The following MYT1L variants were observed in gnomAD, a reference collection of about 807,000 sequenced individuals.
MYT1L encodes myelin transcription factor 1-like protein.
In MYT1L, 12 loss-of-function variants were observed where a neutral mutation model predicts 126.7. The observed-to-expected ratio is 0.09, with a 90% CI of 0.06 to 0.15. The LOEUF (loss-of-function observed/expected upper bound fraction) is 0.15. MYT1L is among the 10% of genes least tolerant of loss of function. MYT1L has a pLI of 1.00. For missense variants in MYT1L, 979 were observed against 1,585.2 expected, an observed-to-expected ratio of 0.62 and a Z score of 6.49; for synonymous variants, 541 against 604.2, an observed-to-expected ratio of 0.90 and a Z score of 1.53.
intron 2 of MYT1L, among the ~76,000 whole-genome samples, chr2:2,283,253 T>A (rs1026865680): frequency 1.3e-5 from 2 of 152,236 alleles, no homozygotes; most frequent in Non-Finnish European, 2.9e-5. Context: ...TGTCACTGAA[T>A]TTTTGAATTT....
intron 18 of MYT1L, among the ~76,000 whole-genome samples, chr2:1,855,301 C>T (rs1262922418): frequency 6.6e-6 from 1 of 152,192 alleles, no homozygotes; most frequent in Non-Finnish European, 1.5e-5. Flanking sequence ...TACAAACACG[C>T]GATTTGTATC....
intron 3 of MYT1L, among the ~76,000 whole-genome samples, chr2:2,166,365 G>A (rs1391268249): frequency 4.6e-5 from 7 of 152,130 alleles, no homozygotes; most frequent in Non-Finnish European, 7.3e-5. Context: ...CTGTCACTTA[G>A]CTCTGATCCT....
chr2:2,298,812 C>T (rs577287669), intron 1 of MYT1L, among the ~76,000 whole-genome samples: 15 of 152,122 alleles, frequency 9.9e-5, no homozygotes, highest in African/African-American at 3.4e-4. Flanking sequence ...AGGAACAGTC[C>T]TCTCACTCTC....
intron 2 of MYT1L, among the ~76,000 whole-genome samples, chr2:2,241,275 T>G (rs80218259): frequency 6.6e-6 from 1 of 150,738 alleles, no homozygotes. Flanking sequence ...AATACATCTT[T>G]TGTGTGTGTG....
At chr2:1,907,416 A>G (rs1367024502) in intron 13 of MYT1L, among the ~76,000 whole-genome samples, 3 of 152,236 alleles carry the variant, frequency 2.0e-5, no homozygotes, top group African/African-American at 7.2e-5. Flanking sequence ...AGGGAATAGC[A>G]AGAGACTGGC....
chr2:2,245,888 A>G (rs2094525475), intron 2 of MYT1L, among the ~76,000 whole-genome samples: 1 of 152,208 alleles, frequency 6.6e-6, no homozygotes, highest in Non-Finnish European at 1.5e-5. Flanking sequence ...TGGGGCTAGG[A>G]GCTGAAGCAC....
At chr2:1,834,043 C>T (rs2148317006) in intron 21 of MYT1L, among the ~76,000 whole-genome samples, 1 of 152,390 alleles carries the variant, frequency 6.6e-6, no homozygotes, top group East Asian at 1.9e-4. Context: ...GCTTCCTCTA[C>T]TGTTTCTATT....
intron 3 of MYT1L, among the ~76,000 whole-genome samples, chr2:2,137,790 A>G (rs1033284382): frequency 6.6e-6 from 1 of 152,038 alleles, no homozygotes; most frequent in Non-Finnish European, 1.5e-5. Flanking sequence ...CAAGGACTTC[A>G]TGTCTGAAAC....
intron 2 of MYT1L, among the ~76,000 whole-genome samples, chr2:2,249,111 GA>G (rs2094587503): frequency 6.6e-6 from 1 of 151,666 alleles, no homozygotes; most frequent in African/African-American, 2.4e-5. Context: ...CTTATATTTG[GA>G]AAAAAACTAA....
intron 1 of MYT1L, among the ~76,000 whole-genome samples, chr2:2,292,146 G>A (rs1287687550): frequency 1.3e-5 from 2 of 152,208 alleles, no homozygotes; most frequent in African/African-American, 2.4e-5. Flanking sequence ...GGCAGGTGAA[G>A]GCTCTACTAT....
chr2:2,165,791 GTAA>G (rs1230149475), intron 3 of MYT1L, among the ~76,000 whole-genome samples: 9 of 151,576 alleles, frequency 5.9e-5, no homozygotes, highest in African/African-American at 1.7e-4. Flanking sequence ...AAGTAAATAA[GTAA>G]TAATAAAATC....
intron 4 of MYT1L, among the ~76,000 whole-genome samples, chr2:2,033,325 C>T (rs1439313030): frequency 4.3e-5 from 6 of 139,168 alleles, no homozygotes; most frequent in African/African-American, 8.2e-5. Flanking sequence ...CACACACCCT[C>T]GCCAGTGCCT....
At chr2:2,181,865 G>T (rs1259394754) in intron 2 of MYT1L, among the ~76,000 whole-genome samples, 2 of 152,072 alleles carry the variant, frequency 1.3e-5, no homozygotes, top group African/African-American at 4.8e-5. Context: ...TTGATCCTCA[G>T]AACAACCCTG....
chr2:2,062,467 T>C (rs1485223540), intron 3 of MYT1L, among the ~76,000 whole-genome samples: 1 of 152,204 alleles, frequency 6.6e-6, no homozygotes, highest in African/African-American at 2.4e-5. Flanking sequence ...ATGATGCCCC[T>C]TGGCCATCAC....
intron 21 of MYT1L, among the ~76,000 whole-genome samples, chr2:1,814,997 G>A (rs927634973): frequency 4.6e-5 from 7 of 152,168 alleles, no homozygotes; most frequent in African/African-American, 1.2e-4. Flanking sequence ...TTCTAAGCTC[G>A]GGTGTTTCAT....
intron 3 of MYT1L, among the ~76,000 whole-genome samples, chr2:2,090,628 T>TTGGAATTCCATATCCATTCCAATAGATA (rs2150380608): frequency 6.6e-6 from 1 of 152,268 alleles, no homozygotes; most frequent in African/African-American, 2.4e-5. Context: ...TCCATATCTA[T>TTGGAATTCCATATCCATTCCAATAGATA]TGGAAAACTT....
intron 9 of MYT1L, among the ~76,000 whole-genome samples, chr2:1,932,765 G>A (rs1418723691): frequency 3.3e-5 from 5 of 152,192 alleles, no homozygotes; most frequent in African/African-American, 1.2e-4. Flanking sequence ...GAAAGAGAGG[G>A]TGCCAAGGCC....
At position 1,806,835 on chromosome 2, in the gene MYT1L, G is replaced by A. The variant is rs1178484727; in HGVS notation, c.3172+2241C>T. Among the ~76,000 whole-genome samples, 1 of 152,198 alleles carries A rather than the reference G, an allele frequency of 6.6e-6. No individual in the cohort carries two copies. The highest frequency in any genetic ancestry group is 6.5e-5 in the Admixed American group (1 of 15,280). The stretch of plus-strand genomic sequence containing the variant: ...TCATTAATGGGGAACAAAGGCACGT[G>A]GACTCGGATCAATTGTCTAAGGATT... On this transcript the variant is annotated intron_variant, in intron 22 of 24. Transcript: ENST00000647738. The surrounding 1 kb of genome is among the most constrained non-coding windows in gnomAD (Gnocchi z 4.9).
chr2:2,009,613 G>A (rs1343735671), intron 4 of MYT1L, among the ~76,000 whole-genome samples: 2 of 151,984 alleles, frequency 1.3e-5, no homozygotes, highest in Admixed American at 1.3e-4. Context: ...TAATCTTTGG[G>A]GTTTTCTACA....
Sources: allele counts gnomAD v4.1 joint callset (sites outside exome capture counted in the v4.1 genomes callset), GRCh38; gene constraint gnomAD v4.1.1; non-coding constraint Gnocchi (gnomAD v3.1); transcripts MANE v1.5; gene names NCBI Gene and HGNC (gene_info 2026-07-23, HGNC 2026-07-21).